PRR16: variants seen among roughly 807,000 people sequenced by gnomAD.
The protein encoded by PRR16 is proline rich 16.
Under a neutral mutation model 18.2 loss-of-function variants are expected in PRR16, and 6 were observed. The ratio of observed to expected loss-of-function variants is 0.33; its 90% CI spans 0.18 to 0.65. The LOEUF is 0.65. Ranked by LOEUF, PRR16 falls within the 30% of genes least tolerant of loss-of-function variation. The probability of loss-of-function intolerance (pLI) is 0.74; values close to 1 mark genes in which losing one functional copy is unlikely to be tolerated. For missense variants in PRR16, 412 were observed against 376.6 expected (o/e 1.09, Z -0.78); for synonymous variants, 151 against 147.8 (o/e 1.02, Z -0.16).
intron 1 of PRR16, among the ~76,000 whole-genome samples, chr5:120,569,540 A>T (rs185754978): frequency 7.2e-4 from 109 of 152,292 alleles, no homozygotes; most frequent in African/African-American, 2.4e-3. Context: ...AATAAAACTC[A>T]TGGTCCCTGA....
At chr5:120,557,084 C>G (rs997532639) in intron 1 of PRR16, among the ~76,000 whole-genome samples, 3 of 151,846 alleles carry the variant, frequency 2.0e-5, no homozygotes, top group African/African-American at 7.3e-5. Context: ...ATTGCTATGA[C>G]ACACAACAAT....
At chr5:120,505,808 C>T (rs1750622528) in intron 1 of PRR16, among the ~76,000 whole-genome samples, 1 of 151,696 alleles carries the variant, frequency 6.6e-6, no homozygotes, top group Non-Finnish European at 1.5e-5. Context: ...TAGATATATA[C>T]ATTTTAAATT....
intron 1 of PRR16, among the ~76,000 whole-genome samples, chr5:120,501,955 CAAAAAAAAAAAAAAAA>C (rs548770948): frequency 6.8e-5 from 3 of 44,078 alleles, no homozygotes; most frequent in African/African-American, 2.1e-4. Flanking sequence ...TACTCCGTCT[CAAAAAAAAAAAAAAAA>C]AAAAAAAAAA....
chr5:120,631,066 C>A (rs1755035925), intron 1 of PRR16, among the ~76,000 whole-genome samples: 1 of 151,850 alleles, frequency 6.6e-6, no homozygotes, highest in Non-Finnish European at 1.5e-5. Context: ...AAGCAGGTGA[C>A]AATAAAATAA....
intron 1 of PRR16, among the ~76,000 whole-genome samples, chr5:120,669,917 A>C (rs983956536): frequency 6.6e-6 from 1 of 152,108 alleles, no homozygotes; most frequent in Admixed American, 6.6e-5. Context: ...TAGTATATTT[A>C]TGAAGATAAA....
chr5:120,639,456 C>T (rs985131201), intron 1 of PRR16, among the ~76,000 whole-genome samples: 1 of 151,996 alleles, frequency 6.6e-6, no homozygotes, highest in African/African-American at 2.4e-5. Context: ...TTTGCCTGCT[C>T]AAAATATAAA....
the PRR16 span, among the ~76,000 whole-genome samples, chr5:120,787,543 A>T: frequency 2.6e-5 from 4 of 152,298 alleles, no homozygotes; most frequent in East Asian, 7.7e-4. Flanking sequence ...ATCCGCTTCC[A>T]TAAGATACCT....
intron 1 of PRR16, among the ~76,000 whole-genome samples, chr5:120,466,955 A>G (rs1431312418): frequency 6.6e-6 from 1 of 152,206 alleles, no homozygotes; most frequent in Admixed American, 6.5e-5. Flanking sequence ...TACAATGGCC[A>G]AATCCCAAAA....
chr5:120,575,922 A>G (rs568852744), intron 1 of PRR16, among the ~76,000 whole-genome samples: 1 of 152,280 alleles, frequency 6.6e-6, no homozygotes, highest in African/African-American at 2.4e-5. Context: ...GGTACACACA[A>G]TAGAGAAAGA....
chr5:120,669,481 A>G (rs1241878592), intron 1 of PRR16, among the ~76,000 whole-genome samples: 5 of 152,078 alleles, frequency 3.3e-5, no homozygotes, highest in Non-Finnish European at 5.9e-5. Context: ...AAAATGTGTT[A>G]TTAGAATAGG....
chr5:120,569,356 GC>G (rs1561550466), intron 1 of PRR16, among the ~76,000 whole-genome samples: 1 of 152,132 alleles, frequency 6.6e-6, no homozygotes, highest in African/African-American at 2.4e-5. Flanking sequence ...AAAGGTTAAG[GC>G]ATGTGCATTG....
chr5:120,596,167 A>G (rs1473557518), intron 1 of PRR16, among the ~76,000 whole-genome samples: 2 of 145,104 alleles, frequency 1.4e-5, no homozygotes, highest in African/African-American at 5.2e-5. Context: ...TCCATCGGCC[A>G]TTGTGATCAA....
upstream of PRR16, chr5:120,464,298 G>T: frequency 4.6e-6 from 2 of 435,692 alleles, no homozygotes; most frequent in Non-Finnish European, 7.4e-6. Context: ...CCGCGTCTCG[G>T]GAGTTGATGG....
chr5:120,775,332 C>G, the PRR16 span, among the ~76,000 whole-genome samples: 5 of 152,080 alleles, frequency 3.3e-5, no homozygotes, highest in Admixed American at 2.6e-4. Flanking sequence ...TACTATCAGT[C>G]CAAGTCACTA....
intron 1 of PRR16, among the ~76,000 whole-genome samples, chr5:120,678,387 A>G (rs569423905): frequency 1.3e-5 from 2 of 152,310 alleles, no homozygotes; most frequent in South Asian, 4.1e-4. Flanking sequence ...GTAGGATGGA[A>G]ATAAAGGCAA....
At chr5:120,616,375 A>G (rs113934652) in intron 1 of PRR16, among the ~76,000 whole-genome samples, 183 of 152,266 alleles carry the variant, frequency 1.2e-3, no homozygotes, top group African/African-American at 4.0e-3. Context: ...GCCCTCTGGA[A>G]CTTAGAATCC....
chr5:120,546,617 T>C (rs553965434), intron 1 of PRR16, among the ~76,000 whole-genome samples: 1 of 152,272 alleles, frequency 6.6e-6, no homozygotes, highest in African/African-American at 2.4e-5. Flanking sequence ...CACTGCTTAA[T>C]CTGCTGAAGT....
chr5:120,665,917 C>T (rs1469162168), intron 1 of PRR16, among the ~76,000 whole-genome samples: 4 of 152,066 alleles, frequency 2.6e-5, no homozygotes, highest in Admixed American at 2.6e-4. Context: ...GTTCTTTTGG[C>T]TTAGGATTGA....
At chr5:120,714,112 T>C in the PRR16 span, among the ~76,000 whole-genome samples, 1 of 152,140 alleles carries the variant, frequency 6.6e-6, no homozygotes, top group African/African-American at 2.4e-5. Context: ...GCTTGATATA[T>C]TTATAATATG....
Sources: allele counts gnomAD v4.1 joint callset (sites outside exome capture counted in the v4.1 genomes callset), GRCh38; gene constraint gnomAD v4.1.1; transcripts MANE v1.5; gene names NCBI Gene and HGNC (gene_info 2026-07-23, HGNC 2026-07-21).